The following GSG1L variants were observed in gnomAD, a reference collection of about 807,000 sequenced individuals.
GSG1L encodes GSG1 like, also known as germ cell-specific gene 1-like protein.
Under a neutral mutation model 42.1 loss-of-function variants are expected in GSG1L, and 24 were observed. The observed-to-expected ratio is 0.57, with a 90% CI of 0.41 to 0.80. GSG1L has a LOEUF of 0.80. GSG1L is among the 30% of genes least tolerant of loss of function. GSG1L has a pLI of 0.00. For synonymous variants in GSG1L, 215 were observed against 203.5 expected, an observed-to-expected ratio of 1.06 and a Z score of -0.48; for missense variants, 445 against 472.2, an observed-to-expected ratio of 0.94 and a Z score of 0.53.
intron 1 of GSG1L, among the ~76,000 whole-genome samples, chr16:28,054,216 C>T (rs1373306243): frequency 6.6e-6 from 1 of 152,132 alleles, no homozygotes; most frequent in African/African-American, 2.4e-5. Flanking sequence ...GCCCAAATAC[C>T]CACCCCAGCT....
rs544936217 is a variant in GSG1L at position 27,795,143 on chromosome 16, C to A, written c.899-3676G>T. Among the ~76,000 whole-genome samples, 71 of 152,170 alleles carry A rather than the reference C, an allele frequency of 4.7e-4. No homozygotes were observed. The South Asian group carries it at 9.8e-3, about 21-fold the overall frequency. On this transcript the variant is annotated intron_variant, in intron 6 of 6. Transcript: ENST00000447459. The stretch of plus-strand genomic sequence containing the variant: ...CATCTTGGAGCCCTGATTCCCCAGC[C>A]CCTGGCCCAGCACAGAGCAAGTCCC...
chr16:27,876,826 G>T (rs1000938145), intron 3 of GSG1L, among the ~76,000 whole-genome samples: 2 of 152,168 alleles, frequency 1.3e-5, no homozygotes, highest in Non-Finnish European at 2.9e-5. Context: ...AGATTTCAAA[G>T]AGTTACCTTG....
chr16:27,884,464 C>T lies in GSG1L; in HGVS notation c.550+22G>A. The T allele has an allele frequency of 6.2e-7, 1 of 1,606,902 alleles. No homozygotes were observed. Among genetic ancestry groups the T allele is most frequent in the Non-Finnish European group, 8.5e-7 (1 of 1,175,620 alleles). The stretch of plus-strand genomic sequence containing the variant: ...CTTTCTCGCCTGTGCTCTGAGAGGC[C>T]ACAGGACCAGCCATGCCTTACCTGA... On this transcript the variant is annotated intron_variant, in intron 3 of 6. Transcript: ENST00000447459. This position sits in a 1 kb window ranked among gnomAD's most constrained non-coding sequence, Gnocchi z 4.4.
chr16:28,043,367 C>T (rs1027151952), intron 1 of GSG1L, among the ~76,000 whole-genome samples: 3 of 152,188 alleles, frequency 2.0e-5, no homozygotes, highest in African/African-American at 7.2e-5. Context: ...ATTTGAGGCT[C>T]GGAGTCCTCT....
At chr16:28,056,028 G>C (rs1026884769) in intron 1 of GSG1L, among the ~76,000 whole-genome samples, 3 of 152,012 alleles carry the variant, frequency 2.0e-5, no homozygotes, top group Non-Finnish European at 4.4e-5. Context: ...AAGTCCACGG[G>C]AATGACAGGC....
chr16:28,061,736 G>A (rs182547947), intron 1 of GSG1L, among the ~76,000 whole-genome samples: 96 of 152,294 alleles, frequency 6.3e-4, no homozygotes, highest in Middle Eastern at 6.8e-3. Context: ...GATAAACGCA[G>A]TGGTGAGATC....
intron 2 of GSG1L, among the ~76,000 whole-genome samples, chr16:27,899,360 C>T (rs1304792334): frequency 1.3e-5 from 2 of 152,150 alleles, no homozygotes; most frequent in African/African-American, 4.8e-5. Flanking sequence ...CAAGTTACCT[C>T]GCCTCTCTGA....
chr16:28,038,954 T>C (rs541600470), intron 1 of GSG1L, among the ~76,000 whole-genome samples: 2 of 151,972 alleles, frequency 1.3e-5, no homozygotes, highest in Non-Finnish European at 2.9e-5. Context: ...GCAATTCAGG[T>C]TGTTTTCATT....
chr16:28,047,677 G>A (rs1391786442), intron 1 of GSG1L, among the ~76,000 whole-genome samples: 1 of 152,058 alleles, frequency 6.6e-6, no homozygotes, highest in African/African-American at 2.4e-5. Flanking sequence ...AAAATAGGAT[G>A]CAAAGTAAAA....
intron 3 of GSG1L, among the ~76,000 whole-genome samples, chr16:27,858,863 T>C (rs2083609573): frequency 6.6e-6 from 1 of 152,164 alleles, no homozygotes. Flanking sequence ...GAACGGGATA[T>C]GGAAGATAAT....
intron 5 of GSG1L, among the ~76,000 whole-genome samples, chr16:27,816,350 G>A (rs754300256): frequency 8.5e-5 from 13 of 152,198 alleles, no homozygotes; most frequent in Non-Finnish European, 1.3e-4. Context: ...AGGAGGTCAC[G>A]GCACTGCCCT....
intron 1 of GSG1L, among the ~76,000 whole-genome samples, chr16:27,969,109 A>G (rs2085164350): frequency 6.6e-6 from 1 of 152,188 alleles, no homozygotes; most frequent in African/African-American, 2.4e-5. Context: ...ACTCAGTCTC[A>G]AAATAAATAA....
chr16:27,953,229 A>G (rs966074089), intron 2 of GSG1L, among the ~76,000 whole-genome samples: 2 of 152,188 alleles, frequency 1.3e-5, no homozygotes, highest in African/African-American at 4.8e-5. Flanking sequence ...AGCTGGGAGT[A>G]CAGGTGCGTG....
chr16:28,049,515 TAA>T (rs78866330), intron 1 of GSG1L, among the ~76,000 whole-genome samples: 17 of 134,218 alleles, frequency 1.3e-4, no homozygotes, highest in African/African-American at 3.0e-4. Flanking sequence ...ACCCCACCTC[TAA>T]AAAAAAAAAA....
At chr16:27,902,381 C>T (rs1483440634) in intron 2 of GSG1L, among the ~76,000 whole-genome samples, 9 of 152,026 alleles carry the variant, frequency 5.9e-5, no homozygotes, top group Non-Finnish European at 8.8e-5. Flanking sequence ...CGGGCTTTGG[C>T]GATTGGAACC....
At chr16:28,019,831 G>A (rs1464901816) in intron 1 of GSG1L, among the ~76,000 whole-genome samples, 2 of 152,180 alleles carry the variant, frequency 1.3e-5, no homozygotes, top group East Asian at 3.9e-4. Context: ...TGGCCCCAGA[G>A]ACAGAGCATG....
chr16:28,038,973 G>A (rs192293665), intron 1 of GSG1L, among the ~76,000 whole-genome samples: 1 of 152,264 alleles, frequency 6.6e-6, no homozygotes, highest in African/African-American at 2.4e-5. Context: ...TTTACATATA[G>A]GGATACTGAG....
chr16:27,995,980 G>A, intron 1 of GSG1L, among the ~76,000 whole-genome samples: 1 of 151,870 alleles, frequency 6.6e-6, no homozygotes, highest in East Asian at 1.9e-4. Context: ...TGGGAGGATT[G>A]CTTGAGCCCA....
chr16:28,063,032 CG>C lies in GSG1L; in HGVS notation c.349+43del, dbSNP rs1378685837. The C allele has an allele frequency of 8.9e-6, 12 of 1,351,684 alleles. No individual in the cohort carries two copies. The highest frequency in any genetic ancestry group is 3.3e-5 in the Admixed American group (1 of 30,348). 83.7% of individuals were successfully genotyped at this position (1,351,684 alleles called of 1,614,324 possible). A position where few individuals can be genotyped will look rare whatever the true frequency, so the allele number is the denominator to read the frequency against. On this transcript the variant is annotated intron_variant, in intron 1 of 6. Coordinates refer to ENST00000447459, the MANE Select transcript of GSG1L (RefSeq NM_001109763.2). This position sits in a 1 kb window ranked among gnomAD's most constrained non-coding sequence, Gnocchi z 5.8. ...TCGGGCCTCGATGGCCGCGCCGCCCCGGGGGAGCCGGAGCCGAGCTGGCCGC... is the reference window on the plus strand; with the variant it reads ...TCGGGCCTCGATGGCCGCGCCGCCCCGGGGAGCCGGAGCCGAGCTGGCCGC...
Sources: allele counts gnomAD v4.1 joint callset (sites outside exome capture counted in the v4.1 genomes callset), GRCh38; gene constraint gnomAD v4.1.1; non-coding constraint Gnocchi (gnomAD v3.1); transcripts MANE v1.5; gene names NCBI Gene and HGNC (gene_info 2026-07-23, HGNC 2026-07-21).